PRMT8: variants seen among roughly 807,000 people sequenced by gnomAD.
PRMT8 encodes protein arginine N-methyltransferase 8.
Under a neutral mutation model 47.1 loss-of-function variants are expected in PRMT8, and 7 were observed. That is an observed-to-expected ratio of 0.15 (90% CI 0.08 to 0.28). PRMT8 has a LOEUF of 0.28. PRMT8 is among the 10% of genes least tolerant of loss of function. PRMT8 has a pLI of 1.00. For missense variants in PRMT8, 237 were observed against 505.4 expected (o/e 0.47, Z 5.09); for synonymous variants, 188 against 186.5 (o/e 1.01, Z -0.07).
intron 1 of PRMT8, among the ~76,000 whole-genome samples, chr12:3,461,695 A>ATCTGGGAGGATG (rs1389350411): frequency 4.6e-4 from 69 of 150,752 alleles, no homozygotes; most frequent in African/African-American, 1.6e-3. Context: ...AGCTTCAGAC[A>ATCTGGGAGGATG]GAGAAGCAGG....
chr12:3,429,661 C>T (rs989159198), intron 1 of PRMT8, among the ~76,000 whole-genome samples: 3 of 152,228 alleles, frequency 2.0e-5, no homozygotes, highest in East Asian at 1.9e-4. Flanking sequence ...GATCAGGCCA[C>T]GCTTCCACTC....
At chr12:3,489,696 C>T (rs556145579), upstream of PRMT8, among the ~76,000 whole-genome samples, 1 of 152,022 alleles carries the variant, frequency 6.6e-6, no homozygotes, top group Non-Finnish European at 1.5e-5. Context: ...ACGGGAGGAA[C>T]GACTGGGTGT....
At chr12:3,465,870 A>AT (rs1006278431) in intron 1 of PRMT8, among the ~76,000 whole-genome samples, 1 of 152,062 alleles carries the variant, frequency 6.6e-6, no homozygotes, top group Non-Finnish European at 1.5e-5. Context: ...AGGAGGGTTG[A>AT]TTTTTTCTAA....
At chr12:3,383,094 A>G (rs896911569) in intron 1 of PRMT8, among the ~76,000 whole-genome samples, 1 of 152,192 alleles carries the variant, frequency 6.6e-6, no homozygotes, top group African/African-American at 2.4e-5. Context: ...AGTACCATCT[A>G]GTCTTGGTAA....
intron 1 of PRMT8, among the ~76,000 whole-genome samples, chr12:3,437,284 A>G (rs938629909): frequency 6.6e-5 from 10 of 152,100 alleles, no homozygotes; most frequent in African/African-American, 2.4e-4. Flanking sequence ...AATACAAGTA[A>G]ATCTAGCTGA....
At chr12:3,434,299 A>G (rs1241269025) in intron 1 of PRMT8, among the ~76,000 whole-genome samples, 4 of 152,194 alleles carry the variant, frequency 2.6e-5, no homozygotes, top group Non-Finnish European at 5.9e-5. Context: ...GAGGGCTACT[A>G]GGCACAAGCA....
chr12:3,446,756 C>T (rs574279044), intron 1 of PRMT8, among the ~76,000 whole-genome samples: 81 of 152,276 alleles, frequency 5.3e-4, no homozygotes, highest in African/African-American at 1.6e-3. Flanking sequence ...TAGGTGGGCA[C>T]GGATTACCAT....
At chr12:3,466,498 A>G (rs1297157886) in intron 1 of PRMT8, among the ~76,000 whole-genome samples, 1 of 152,202 alleles carries the variant, frequency 6.6e-6, no homozygotes, top group African/African-American at 2.4e-5. Flanking sequence ...TCTGAAAAAT[A>G]ATGAGTCAAT....
At position 3,572,817 on chromosome 12, in the gene PRMT8, G is replaced by T. The variant is rs919734538; in HGVS notation, c.712+3253G>T. On this transcript the variant is annotated intron_variant, in intron 6 of 9. Transcript: ENST00000382622. This position sits in a 1 kb window ranked among gnomAD's most constrained non-coding sequence, Gnocchi z 5.9. ...CATCAGAGAAACTCAGATGGTTGGG[G>T]CTGGGGTGGTGAGGGAGGATGTAGC... 2.6e-5 allele frequency among the ~76,000 whole-genome samples: 4 copies of T among 152,200 alleles called. No homozygotes were observed. The highest frequency in any genetic ancestry group is 9.7e-5 in the African/African-American group (4 of 41,446).
At chr12:3,457,564 C>T (rs1308968624) in intron 1 of PRMT8, among the ~76,000 whole-genome samples, 14 of 152,168 alleles carry the variant, frequency 9.2e-5, no homozygotes, top group Admixed American at 8.5e-4. Flanking sequence ...CCACCTCAGC[C>T]TCGCAAAGAG....
chr12:3,480,794 C>T (rs889013738), intron 1 of PRMT8, among the ~76,000 whole-genome samples: 1 of 152,234 alleles, frequency 6.6e-6, no homozygotes, highest in African/African-American at 2.4e-5. Flanking sequence ...ATCATGCTCA[C>T]ACCAGCCTGT....
chr12:3,422,586 G>T (rs1691546641), intron 1 of PRMT8, among the ~76,000 whole-genome samples: 1 of 152,192 alleles, frequency 6.6e-6, no homozygotes, highest in Non-Finnish European at 1.5e-5. Context: ...ATGACTGGGG[G>T]CTGCATGCAC....
chr12:3,427,336 G>T (rs969289884), intron 1 of PRMT8, among the ~76,000 whole-genome samples: 3 of 152,018 alleles, frequency 2.0e-5, no homozygotes, highest in Non-Finnish European at 4.4e-5. Flanking sequence ...TAAAGAGCAG[G>T]TTAGTGCCTT....
At chr12:3,397,910 C>T (rs543364345) in intron 1 of PRMT8, among the ~76,000 whole-genome samples, 4 of 152,184 alleles carry the variant, frequency 2.6e-5, no homozygotes, top group Admixed American at 2.0e-4. Context: ...ATGTAATCTC[C>T]TGGTGTGCCG....
intron 1 of PRMT8, among the ~76,000 whole-genome samples, chr12:3,412,798 A>G (rs1864444979): frequency 6.6e-6 from 1 of 152,180 alleles, no homozygotes; most frequent in Admixed American, 6.5e-5. Flanking sequence ...TATTTTTAGT[A>G]GAAACAGGGT....
intron 2 of PRMT8, among the ~76,000 whole-genome samples, chr12:3,543,073 C>G (rs1866260818): frequency 6.6e-6 from 1 of 152,206 alleles, no homozygotes; most frequent in Admixed American, 6.5e-5. Flanking sequence ...GAGCAGGGGA[C>G]TTAGAGTATA....
At chr12:3,400,884 C>T (rs967222135) in intron 1 of PRMT8, among the ~76,000 whole-genome samples, 3 of 152,014 alleles carry the variant, frequency 2.0e-5, no homozygotes, top group Non-Finnish European at 2.9e-5. Context: ...TGGTGGCTCA[C>T]GCCTGTAATC....
At chr12:3,575,193 G>T (rs1484492927) in intron 6 of PRMT8, among the ~76,000 whole-genome samples, 3 of 152,178 alleles carry the variant, frequency 2.0e-5, no homozygotes, top group Non-Finnish European at 4.4e-5. Context: ...AGCTCTTTGT[G>T]TGCCTTATAA....
chr12:3,492,701 C>A lies in PRMT8; in HGVS notation c.75+1001C>A, dbSNP rs528746980. On this transcript the variant is annotated intron_variant, in intron 1 of 9. Transcript: ENST00000382622. This position sits in a 1 kb window ranked among gnomAD's most constrained non-coding sequence, Gnocchi z 7.5. ...CGTAGGCTCTGGGCACCTGTAGTCA[C>A]GAAGGGGATCAGCGTGGGCAGCCCC... 6.6e-6 allele frequency among the ~76,000 whole-genome samples: 1 copy of A among 152,274 alleles called. No individual in the cohort carries two copies. Among genetic ancestry groups the A allele is most frequent in the South Asian group, 2.1e-4 (1 of 4,820 alleles).
Sources: allele counts gnomAD v4.1 joint callset (sites outside exome capture counted in the v4.1 genomes callset), GRCh38; gene constraint gnomAD v4.1.1; non-coding constraint Gnocchi (gnomAD v3.1); transcripts MANE v1.5; gene names NCBI Gene and HGNC (gene_info 2026-07-23, HGNC 2026-07-21).